TSPAN5: variants seen among roughly 807,000 people sequenced by gnomAD.
TSPAN5 encodes the protein tetraspanin 5.
In TSPAN5, 10 loss-of-function variants were observed where a neutral mutation model predicts 37.1. That is an observed-to-expected ratio of 0.27 (90% confidence interval 0.17 to 0.46). TSPAN5 has a LOEUF of 0.46. Among genes scored for constraint, TSPAN5 ranks in the 20% least tolerant of loss-of-function variants. TSPAN5 has a pLI of 1.00. For synonymous variants in TSPAN5, 110 were observed against 118.9 expected (o/e 0.93, Z 0.48); for missense variants, 195 against 326.6 (o/e 0.60, Z 3.11).
chr4:98,507,885 C>T (rs1753513403), intron 1 of TSPAN5, among the ~76,000 whole-genome samples, 157 bp from the exon 2 acceptor site: 1 of 152,164 alleles, frequency 6.6e-6, no homozygotes, highest in South Asian at 2.1e-4. Flanking sequence ...ATACCATAAT[C>T]CCCCTACTTA....
At chr4:98,507,179 G>T (rs1300452968) in intron 2 of TSPAN5, among the ~76,000 whole-genome samples, 1 of 152,124 alleles carries the variant, frequency 6.6e-6, no homozygotes, top group African/African-American at 2.4e-5. Context: ...TTAATGATGA[G>T]TGTATTTGAT....
chr4:98,535,507 GT>G (rs1272329600), intron 1 of TSPAN5, among the ~76,000 whole-genome samples: 1 of 152,092 alleles, frequency 6.6e-6, no homozygotes, highest in Admixed American at 6.6e-5. Context: ...AAGATTATGT[GT>G]CTTGGGATTG....
chr4:98,568,151 T>A (rs1369977664), intron 1 of TSPAN5, among the ~76,000 whole-genome samples: 1 of 152,118 alleles, frequency 6.6e-6, no homozygotes, highest in Non-Finnish European at 1.5e-5. Context: ...ATAGGCAAGA[T>A]GGGTTTTTAG....
chr4:98,538,544 G>GA (rs1754289073), intron 1 of TSPAN5, among the ~76,000 whole-genome samples: 1 of 152,188 alleles, frequency 6.6e-6, no homozygotes. Flanking sequence ...AAAGTCAGCT[G>GA]AAAAATGGTT....
At chr4:98,624,905 CTT>C (rs67640230) in intron 1 of TSPAN5, among the ~76,000 whole-genome samples, 17,070 of 152,196 alleles carry the variant, frequency 0.11, 1,258 homozygotes, top group Non-Finnish European at 0.17. Context: ...ACACTTAAGA[CTT>C]TAGATTCCTC....
chr4:98,491,562 C>G (rs951364406), intron 2 of TSPAN5, among the ~76,000 whole-genome samples: 3 of 152,178 alleles, frequency 2.0e-5, no homozygotes, highest in African/African-American at 7.2e-5. Context: ...GTGGTACCTG[C>G]CTGTAATCCC....
intron 1 of TSPAN5, chr4:98,509,857 C>T (rs1367262479): frequency 1.3e-5 from 2 of 152,164 alleles, no homozygotes; most frequent in African/African-American, 4.8e-5. Context: ...TCCCATGAGA[C>T]CTAGGAAGCA....
chr4:98,582,233 G>A (rs1166871246), intron 1 of TSPAN5, among the ~76,000 whole-genome samples: 8 of 152,186 alleles, frequency 5.3e-5, no homozygotes, highest in Admixed American at 3.9e-4. Flanking sequence ...GTAAGCCCCC[G>A]ACGCAACCGC....
At chr4:98,530,918 T>A (rs1012435359) in intron 1 of TSPAN5, among the ~76,000 whole-genome samples, 2 of 152,038 alleles carry the variant, frequency 1.3e-5, no homozygotes, top group African/African-American at 4.8e-5. Context: ...AATGTTAAAA[T>A]TTTTTTAAAA....
intron 7 of TSPAN5, among the ~76,000 whole-genome samples, chr4:98,473,437 A>T (rs892236247): frequency 8.7e-5 from 13 of 148,642 alleles, no homozygotes; most frequent in African/African-American, 2.7e-4. Flanking sequence ...GCATCTTTTC[A>T]TGTGCTTATT....
At chr4:98,631,713 C>A (rs1269951750) in intron 1 of TSPAN5, among the ~76,000 whole-genome samples, 1 of 152,110 alleles carries the variant, frequency 6.6e-6, no homozygotes, top group Non-Finnish European at 1.5e-5. Flanking sequence ...GTCATAAAAA[C>A]CCCTTTTCCC....
At chr4:98,577,158 A>C (rs573051362) in intron 1 of TSPAN5, among the ~76,000 whole-genome samples, 2 of 152,106 alleles carry the variant, frequency 1.3e-5, no homozygotes, top group South Asian at 4.2e-4. Context: ...CCAATCTAAA[A>C]CTCAATTTGA....
Position 98,571,776 on chromosome 4 carries a change from C to T in TSPAN5, c.82-64048G>A, listed in dbSNP as rs574772355. On this transcript the variant is annotated intron_variant, in intron 1 of 7. Coordinates refer to ENST00000305798, the MANE Select transcript of TSPAN5 (RefSeq NM_005723.4). ...TCATACGATTTTGTAAAGGAAAGGA[C>T]CCAGGGCAGTGACCATTTCCTTTGG... 9.2e-5 allele frequency among the ~76,000 whole-genome samples: 14 copies of T among 152,152 alleles called. No individual in the cohort carries two copies. In the East Asian group the frequency reaches 2.5e-3, roughly 27 times the overall value.
chr4:98,522,588 A>G (rs541377256), intron 1 of TSPAN5, among the ~76,000 whole-genome samples: 17 of 152,200 alleles, frequency 1.1e-4, no homozygotes, highest in Non-Finnish European at 2.2e-4. Flanking sequence ...AAAACCTAAA[A>G]CATCTTGAGA....
At chr4:98,476,056 GGTCT>G (rs1752688185) in intron 7 of TSPAN5, 129 bp downstream of exon 7, 2 of 621,530 alleles carry the variant, frequency 3.2e-6, no homozygotes, top group Non-Finnish European at 2.9e-6. Context: ...AAATCGTTTA[GGTCT>G]GTTCCTCAGC....
chr4:98,640,947 T>C (rs1186134444), intron 1 of TSPAN5, among the ~76,000 whole-genome samples: 1 of 152,116 alleles, frequency 6.6e-6, no homozygotes, highest in Non-Finnish European at 1.5e-5. Flanking sequence ...TCGCCACTAA[T>C]ATTACCCACT....
intron 1 of TSPAN5, among the ~76,000 whole-genome samples, chr4:98,613,645 T>A (rs895706296): frequency 6.6e-6 from 1 of 151,956 alleles, no homozygotes; most frequent in Non-Finnish European, 1.5e-5. Context: ...CCCCATAAAA[T>A]TCTCTAGTCC....
At chr4:98,493,872 A>C (rs1463859632) in intron 2 of TSPAN5, among the ~76,000 whole-genome samples, 1 of 152,238 alleles carries the variant, frequency 6.6e-6, no homozygotes, top group African/African-American at 2.4e-5. Context: ...CAATTTAAAA[A>C]GTTGAAAGAA....
intron 1 of TSPAN5, among the ~76,000 whole-genome samples, chr4:98,581,634 T>A (rs1475842477): frequency 6.6e-6 from 1 of 152,214 alleles, no homozygotes; most frequent in Non-Finnish European, 1.5e-5. Context: ...ATTGATTGTA[T>A]TAACAACCTA....
Sources: allele counts gnomAD v4.1 joint callset (sites outside exome capture counted in the v4.1 genomes callset), GRCh38; gene constraint gnomAD v4.1.1; transcripts MANE v1.5; gene names NCBI Gene and HGNC (gene_info 2026-07-23, HGNC 2026-07-21).